The following FAM227B variants were observed in gnomAD, a reference collection of about 807,000 sequenced individuals.
The protein encoded by FAM227B is protein FAM227B.
In FAM227B, 88 loss-of-function variants were observed where a neutral mutation model predicts 73.8. The observed-to-expected ratio is 1.19, with a 90% CI of 1.00 to 1.42. The LOEUF (loss-of-function observed/expected upper bound fraction) is 1.42, where lower values mean the gene tolerates loss of function less well. FAM227B is among the 40% of genes most tolerant of loss of function. The probability of loss-of-function intolerance (pLI) is 0.00; values close to 1 mark genes in which losing one functional copy is unlikely to be tolerated. For synonymous variants in FAM227B, 210 were observed against 190.5 expected, an observed-to-expected ratio of 1.10 and a Z score of -0.84; for missense variants, 632 against 590.9, an observed-to-expected ratio of 1.07 and a Z score of -0.72.
At chr15:49,472,609 C>G (rs1230040166) in intron 11 of FAM227B, among the ~76,000 whole-genome samples, 1 of 152,064 alleles carries the variant, frequency 6.6e-6, no homozygotes, top group African/African-American at 2.4e-5. Flanking sequence ...AGTCTTTGCT[C>G]AGAAAGTTGG....
intron 11 of FAM227B, among the ~76,000 whole-genome samples, chr15:49,489,883 T>TATATATAG (rs1555505060): frequency 4.4e-5 from 1 of 22,948 alleles, no homozygotes. Context: ...TATATATATA[T>TATATATAG]AGAGAGAGAG....
intron 15 of FAM227B, chr15:49,329,848 C>A: frequency 2.6e-6 from 2 of 775,538 alleles, no homozygotes; most frequent in Non-Finnish European, 3.1e-6. Context: ...TTTTGCTGTT[C>A]CATTTACAAT....
intron 9 of FAM227B, among the ~76,000 whole-genome samples, chr15:49,560,513 A>C (rs560652137): frequency 6.6e-6 from 1 of 152,284 alleles, no homozygotes; most frequent in South Asian, 2.1e-4. Context: ...ATCCAAATTT[A>C]AAAAATCAAG....
intron 10 of FAM227B, among the ~76,000 whole-genome samples, chr15:49,521,850 T>C (rs1343424234): frequency 6.6e-6 from 1 of 152,106 alleles, no homozygotes; most frequent in African/African-American, 2.4e-5. Flanking sequence ...GAGGAGATGG[T>C]GCAGCCCCCA....
chr15:49,603,832 A>G (rs1206650523), intron 3 of FAM227B, among the ~76,000 whole-genome samples: 1 of 152,118 alleles, frequency 6.6e-6, no homozygotes, highest in African/African-American at 2.4e-5. Flanking sequence ...TATTCCTTCT[A>G]TATCCAGTTT....
intron 5 of FAM227B, 24 bp downstream of exon 5, chr15:49,587,992 A>T: frequency 7.1e-7 from 1 of 1,410,810 alleles, no homozygotes; most frequent in Non-Finnish European, 9.4e-7. Flanking sequence ...ACTTTCAAGG[A>T]TGATAAAAAC....
At chr15:49,489,631 T>C (rs764805642) in intron 11 of FAM227B, among the ~76,000 whole-genome samples, 1 of 150,538 alleles carries the variant, frequency 6.6e-6, no homozygotes, top group Non-Finnish European at 1.5e-5. Flanking sequence ...GAGTGTTTTG[T>C]TCTAGATGCT....
intron 13 of FAM227B, among the ~76,000 whole-genome samples, chr15:49,339,719 C>A (rs1299984716): frequency 1.3e-5 from 2 of 152,164 alleles, no homozygotes; most frequent in Non-Finnish European, 2.9e-5. Flanking sequence ...TGAAGCTGTG[C>A]CTACAACCGC....
At chr15:49,426,744 T>C (rs1333538347) in intron 11 of FAM227B, among the ~76,000 whole-genome samples, 1 of 151,954 alleles carries the variant, frequency 6.6e-6, no homozygotes, top group Non-Finnish European at 1.5e-5. Flanking sequence ...GAAGTCGCCC[T>C]ATATTGTTAT....
chr15:49,587,165 A>C (rs1479472877), intron 5 of FAM227B, among the ~76,000 whole-genome samples: 1 of 152,116 alleles, frequency 6.6e-6, no homozygotes, highest in Admixed American at 6.6e-5. Context: ...AAACAACAAG[A>C]TCATGTCCTT....
intron 11 of FAM227B, among the ~76,000 whole-genome samples, chr15:49,471,738 A>T (rs1329330144): frequency 1.3e-5 from 2 of 152,112 alleles, no homozygotes; most frequent in Non-Finnish European, 2.9e-5. Flanking sequence ...AAGCTAGCTG[A>T]CATTAGGTAA....
chr15:49,353,237 T>C (rs1253174908), intron 13 of FAM227B, among the ~76,000 whole-genome samples: 1 of 152,128 alleles, frequency 6.6e-6, no homozygotes, highest in African/African-American at 2.4e-5. Context: ...AGGCTCAAAT[T>C]TGGGCTCAAA....
chr15:49,500,635 T>G (rs1394522561), intron 11 of FAM227B, among the ~76,000 whole-genome samples: 1 of 152,258 alleles, frequency 6.6e-6, no homozygotes, highest in Non-Finnish European at 1.5e-5. Context: ...ATAACTTGTA[T>G]ACTGGTAGAA....
chr15:49,428,467 C>A (rs2050313440), intron 11 of FAM227B, among the ~76,000 whole-genome samples: 1 of 151,948 alleles, frequency 6.6e-6, no homozygotes, highest in Non-Finnish European at 1.5e-5. Context: ...AGAACTCTCC[C>A]CATGGGGACA....
intron 3 of FAM227B, among the ~76,000 whole-genome samples, chr15:49,591,029 G>GTTTTTTTTTTTTTTTTTCTTTTTTTTTTT (rs71424023): frequency 9.5e-6 from 1 of 105,608 alleles, no homozygotes; most frequent in African/African-American, 3.5e-5. Context: ...TCTTTTTTTT[G>GTTTTTTTTTTTTTTTTTCTTTTTTTTTTT]TTTTTTTTTT....
At chr15:49,479,603 T>G (rs1296915619) in intron 11 of FAM227B, among the ~76,000 whole-genome samples, 1 of 67,304 alleles carries the variant, frequency 1.5e-5, no homozygotes, top group Non-Finnish European at 2.9e-5. Context: ...ACCTCTGTTT[T>G]TTTTTTTTTT....
chr15:49,355,893 C>T (rs12917239), intron 13 of FAM227B, among the ~76,000 whole-genome samples: 63,726 of 151,566 alleles, frequency 0.42, 13,544 homozygotes, highest in African/African-American at 0.45. Context: ...GTGGATCTCT[C>T]GGCAGAAACC....
At chr15:49,486,162 C>A (rs1416109470) in intron 11 of FAM227B, 1 of 152,000 alleles carries the variant, frequency 6.6e-6, no homozygotes, top group Non-Finnish European at 1.5e-5. Context: ...TCATTCAAGT[C>A]CCTTTACATA....
chr15:49,507,001 G>C (rs542225130), intron 11 of FAM227B, among the ~76,000 whole-genome samples: 1 of 152,024 alleles, frequency 6.6e-6, no homozygotes, highest in East Asian at 1.9e-4. Context: ...TCATATGTGA[G>C]GGTGAGAAGT....
Sources: allele counts gnomAD v4.1 joint callset (sites outside exome capture counted in the v4.1 genomes callset), GRCh38; gene constraint gnomAD v4.1.1; transcripts MANE v1.5; gene names NCBI Gene and HGNC (gene_info 2026-07-23, HGNC 2026-07-21).